The following FRMD5 variants were observed in gnomAD, a reference collection of about 807,000 sequenced individuals.
The protein encoded by FRMD5 is FERM domain containing 5, also known as FERM domain-containing protein 5.
Under a neutral mutation model 69.0 loss-of-function variants are expected in FRMD5, and 20 were observed. The observed-to-expected ratio is 0.29, with a 90% confidence interval of 0.20 to 0.42. The LOEUF (loss-of-function observed/expected upper bound fraction) is 0.42. Ranked by LOEUF, FRMD5 falls within the 10% of genes least tolerant of loss-of-function variation. The pLI, the probability that FRMD5 is intolerant of heterozygous loss-of-function variation, is 1.00. For synonymous variants in FRMD5, 271 were observed against 260.1 expected, an observed-to-expected ratio of 1.04 and a Z score of -0.40; for missense variants, 595 against 708.6, an observed-to-expected ratio of 0.84 and a Z score of 1.82.
intron 1 of FRMD5, among the ~76,000 whole-genome samples, chr15:44,172,361 G>C (rs2077820622): frequency 6.7e-6 from 1 of 148,718 alleles, no homozygotes; most frequent in Non-Finnish European, 1.5e-5. Flanking sequence ...CCATCCTCCT[G>C]CCTTGGCCTC....
chr15:44,127,755 C>T (rs2077043161), intron 1 of FRMD5, among the ~76,000 whole-genome samples: 1 of 151,838 alleles, frequency 6.6e-6, no homozygotes, highest in African/African-American at 2.4e-5. Context: ...ACCTGTAGTC[C>T]CAGCTACTTG....
chr15:43,934,092 G>A (rs2089720337), intron 1 of FRMD5, among the ~76,000 whole-genome samples: 1 of 152,198 alleles, frequency 6.6e-6, no homozygotes, highest in African/African-American at 2.4e-5. Context: ...TGTCTTGGCT[G>A]TCAAGACCAG....
At chr15:44,022,934 TCAG>T (rs1310287616) in intron 1 of FRMD5, among the ~76,000 whole-genome samples, 1 of 152,188 alleles carries the variant, frequency 6.6e-6, no homozygotes, top group African/African-American at 2.4e-5. Context: ...CAGAATGGCT[TCAG>T]GTAGATCAGA....
rs2090304451 is a variant in FRMD5 at position 43,966,977 on chromosome 15, A to G, written c.103-42668T>C. On this transcript the variant is annotated intron_variant, in intron 1 of 13. Coordinates refer to ENST00000417257, the MANE Select transcript of FRMD5 (RefSeq NM_032892.5). ...CCCAGAAACAGAGAAACAGAAGCAGAGAGAAAGAAAAGGAAGATATTTCAG... is the reference window on the plus strand; with the variant it reads ...CCCAGAAACAGAGAAACAGAAGCAGGGAGAAAGAAAAGGAAGATATTTCAG... Among the ~76,000 whole-genome samples the G allele has an allele frequency of 2.0e-5, 3 of 152,078 alleles. 1 individual carries two copies. In the South Asian group the frequency reaches 6.2e-4, roughly 31 times the overall value.
chr15:44,101,127 C>A (rs1339299005), intron 1 of FRMD5, among the ~76,000 whole-genome samples: 1 of 144,122 alleles, frequency 6.9e-6, no homozygotes, highest in Non-Finnish European at 1.5e-5. Context: ...CCAGCCTGGG[C>A]AACCAAGTGA....
chr15:43,909,414 AAAAC>A (rs1391490116), intron 5 of FRMD5, among the ~76,000 whole-genome samples: 4 of 151,554 alleles, frequency 2.6e-5, no homozygotes, highest in African/African-American at 9.7e-5. Context: ...AAAACAAAAC[AAAAC>A]AAACAAAAAA....
At chr15:44,162,453 G>A (rs2077632071) in intron 1 of FRMD5, among the ~76,000 whole-genome samples, 1 of 152,002 alleles carries the variant, frequency 6.6e-6, no homozygotes, top group Non-Finnish European at 1.5e-5. Context: ...GCCTAACACT[G>A]CATTTCCTCC....
At chr15:43,996,146 G>A (rs890148004) in intron 1 of FRMD5, among the ~76,000 whole-genome samples, 2 of 151,782 alleles carry the variant, frequency 1.3e-5, no homozygotes, top group African/African-American at 4.8e-5. Context: ...AACCTGGGGT[G>A]GGCCTGCAGA....
chr15:43,883,103 T>TA (rs913880779), intron 13 of FRMD5, among the ~76,000 whole-genome samples: 24 of 151,544 alleles, frequency 1.6e-4, no homozygotes, highest in African/African-American at 5.6e-4. Flanking sequence ...CCCCTTTTTT[T>TA]AAAAAATTCT....
chr15:44,005,580 G>A (rs1034460622), intron 1 of FRMD5, among the ~76,000 whole-genome samples: 15 of 151,962 alleles, frequency 9.9e-5, no homozygotes, highest in South Asian at 4.2e-4. Context: ...GAAATACAGC[G>A]GCTTCTATTT....
At chr15:44,016,655 G>A (rs1030614806) in intron 1 of FRMD5, among the ~76,000 whole-genome samples, 3 of 151,808 alleles carry the variant, frequency 2.0e-5, no homozygotes, top group Admixed American at 2.0e-4. Flanking sequence ...CCCGGGAGGT[G>A]GAGGCTGCAG....
At chr15:44,145,496 G>A in intron 1 of FRMD5, among the ~76,000 whole-genome samples, 1 of 152,082 alleles carries the variant, frequency 6.6e-6, no homozygotes, top group East Asian at 1.9e-4. Flanking sequence ...GAGGATTTGG[G>A]GTTCTAAACT....
At chr15:43,904,047 G>C (rs1444047102) in intron 6 of FRMD5, among the ~76,000 whole-genome samples, 1 of 152,204 alleles carries the variant, frequency 6.6e-6, no homozygotes, top group Admixed American at 6.5e-5. Context: ...GGGGCGGGAA[G>C]CATCTAAGAT....
chr15:44,086,961 A>G (rs779731233), intron 1 of FRMD5, among the ~76,000 whole-genome samples: 4 of 152,216 alleles, frequency 2.6e-5, no homozygotes, highest in Non-Finnish European at 2.9e-5. Flanking sequence ...TCTTGATAAT[A>G]TAAGGGCAAC....
At chr15:44,041,566 TC>T (rs1206941016) in intron 1 of FRMD5, among the ~76,000 whole-genome samples, 1 of 152,106 alleles carries the variant, frequency 6.6e-6, no homozygotes, top group Non-Finnish European at 1.5e-5. Context: ...AGAACAGAAA[TC>T]ATAACAAACA....
intron 1 of FRMD5, among the ~76,000 whole-genome samples, chr15:44,165,594 G>A (rs578055242): frequency 5.3e-5 from 8 of 152,220 alleles, no homozygotes; most frequent in African/African-American, 1.4e-4. Context: ...CCAGCACTTC[G>A]GGAGGCCAAG....
At chr15:44,166,916 A>C (rs947250721) in intron 1 of FRMD5, among the ~76,000 whole-genome samples, 1 of 151,848 alleles carries the variant, frequency 6.6e-6, no homozygotes, top group African/African-American at 2.4e-5. Context: ...AAGTTTACTG[A>C]GTTTGTTTTT....
At chr15:44,042,667 A>G (rs1460341571) in intron 1 of FRMD5, among the ~76,000 whole-genome samples, 30 of 152,258 alleles carry the variant, frequency 2.0e-4, no homozygotes, top group Non-Finnish European at 1.0e-4. Flanking sequence ...AACAGAACCA[A>G]TAACAAAAAG....
At chr15:44,079,471 T>A (rs1054389905) in intron 1 of FRMD5, among the ~76,000 whole-genome samples, 2 of 152,070 alleles carry the variant, frequency 1.3e-5, no homozygotes, top group African/African-American at 4.8e-5. Context: ...TGAAGCAAGA[T>A]GATCCATTGG....
Sources: allele counts gnomAD v4.1 joint callset (sites outside exome capture counted in the v4.1 genomes callset), GRCh38; gene constraint gnomAD v4.1.1; transcripts MANE v1.5; gene names NCBI Gene and HGNC (gene_info 2026-07-23, HGNC 2026-07-21).